The following IL1RAPL2 variants were observed in gnomAD, a reference collection of about 807,000 sequenced individuals.
IL1RAPL2 encodes X-linked interleukin-1 receptor accessory protein-like 2.
Under a neutral mutation model 44.1 loss-of-function variants are expected in IL1RAPL2, and 3 were observed. The ratio of observed to expected loss-of-function variants is 0.07; its 90% CI spans 0.03 to 0.18. The LOEUF (loss-of-function observed/expected upper bound fraction) is 0.18. IL1RAPL2 is among the 10% of genes least tolerant of loss of function. The pLI, the probability that IL1RAPL2 is intolerant of heterozygous loss-of-function variation, is 1.00. For missense variants in IL1RAPL2, 391 were observed against 496.4 expected (o/e 0.79, Z 2.02); for synonymous variants, 181 against 178.8 (o/e 1.01, Z -0.10).
chrX:105,505,287 A>C (rs1054085457), intron 6 of IL1RAPL2, among the ~76,000 whole-genome samples: 4 of 112,147 alleles, frequency 3.6e-5, no homozygotes, highest in African/African-American at 1.3e-4. Flanking sequence ...AATTTAAGAC[A>C]GACATGGTTT....
At chrX:105,283,073 T>A (rs1395187113) in intron 5 of IL1RAPL2, among the ~76,000 whole-genome samples, 1 of 111,233 alleles carries the variant, frequency 9.0e-6, no homozygotes, top group African/African-American at 3.3e-5. Flanking sequence ...TGAAAAAATA[T>A]CTAATGAAGT....
At chrX:104,612,704 T>A (rs1386152624) in intron 1 of IL1RAPL2, among the ~76,000 whole-genome samples, 1 of 111,738 alleles carries the variant, frequency 8.9e-6, no homozygotes, top group African/African-American at 3.3e-5. Flanking sequence ...TTTTTTCTAG[T>A]TCTGTGAAAA....
intron 6 of IL1RAPL2, among the ~76,000 whole-genome samples, chrX:105,496,413 T>C (rs2036356882): frequency 1.8e-5 from 2 of 112,298 alleles, no homozygotes. Flanking sequence ...AGCTCAATTA[T>C]GGGAAAATGA....
intron 2 of IL1RAPL2, among the ~76,000 whole-genome samples, chrX:105,036,963 T>G (rs1187457716): frequency 8.9e-6 from 1 of 112,025 alleles, no homozygotes; most frequent in Non-Finnish European, 1.9e-5. Context: ...GGAGAAACTC[T>G]ATCTTAGCTG....
intron 2 of IL1RAPL2, among the ~76,000 whole-genome samples, chrX:104,760,471 C>T (rs750921912): frequency 4.5e-5 from 5 of 111,925 alleles, no homozygotes; most frequent in Admixed American, 9.5e-5. Flanking sequence ...GGGTATAAGC[C>T]ATTTTAACTG....
chrX:105,576,995 T>G (rs1170265556), intron 6 of IL1RAPL2, among the ~76,000 whole-genome samples: 1 of 111,407 alleles, frequency 9.0e-6, no homozygotes, highest in African/African-American at 3.3e-5. Context: ...CTCTATTTTA[T>G]CATTGATATT....
At chrX:105,618,125 A>T (rs1362941045) in intron 6 of IL1RAPL2, among the ~76,000 whole-genome samples, 2 of 107,925 alleles carry the variant, frequency 1.9e-5, no homozygotes, top group Non-Finnish European at 3.8e-5. Flanking sequence ...TCTCACTCAC[A>T]CACACACACA....
At chrX:104,751,811 C>T (rs1932264220) in intron 2 of IL1RAPL2, among the ~76,000 whole-genome samples, 1 of 111,097 alleles carries the variant, frequency 9.0e-6, no homozygotes, top group Non-Finnish European at 1.9e-5. Context: ...TGTGAACTGA[C>T]CCCAGGAGTT....
chrX:105,268,227 C>T (rs929374967), intron 5 of IL1RAPL2, among the ~76,000 whole-genome samples: 1 of 111,155 alleles, frequency 9.0e-6, no homozygotes, highest in Non-Finnish European at 1.9e-5. Context: ...ACAAAAAAAT[C>T]TACTTACTAT....
intron 5 of IL1RAPL2, among the ~76,000 whole-genome samples, chrX:105,377,370 CTG>C (rs750610467): frequency 3.7e-3 from 365 of 98,508 alleles, no homozygotes; most frequent in Middle Eastern, 0.021. Flanking sequence ...GTGTGTGTGT[CTG>C]TGTGTGTGTG....
chrX:105,413,720 C>G (rs1413377396), intron 5 of IL1RAPL2, among the ~76,000 whole-genome samples: 3 of 112,284 alleles, frequency 2.7e-5, no homozygotes, highest in African/African-American at 9.7e-5. Flanking sequence ...CAAATACACT[C>G]ACTTCCACTT....
chrX:104,879,365 T>TAAAAAAAAAAAAAAAAAAAAAAAAAAAA (rs753494292), intron 2 of IL1RAPL2, among the ~76,000 whole-genome samples: 6 of 31,031 alleles, frequency 1.9e-4, no homozygotes, highest in African/African-American at 9.3e-4. Flanking sequence ...GCAAAACTAG[T>TAAAAAAAAAAAAAAAAAAAAAAAAAAAA]AAAAAAAAAA....
At chrX:105,254,503 T>C (rs2034299026) in intron 4 of IL1RAPL2, among the ~76,000 whole-genome samples, 1 of 112,128 alleles carries the variant, frequency 8.9e-6, no homozygotes, top group Non-Finnish European at 1.9e-5. Context: ...TTCTGTAGAT[T>C]GCCTGTTTAT....
At chrX:105,483,767 T>A (rs1228361311) in intron 5 of IL1RAPL2, among the ~76,000 whole-genome samples, 2 of 111,786 alleles carry the variant, frequency 1.8e-5, no homozygotes, top group African/African-American at 6.5e-5. Flanking sequence ...TTTCTTTCCC[T>A]TTAGTAGCTA....
At chrX:104,983,439 A>ATATTATACATAATATTATATAATATAT (rs200666851) in intron 2 of IL1RAPL2, among the ~76,000 whole-genome samples, 1 of 96,498 alleles carries the variant, frequency 1.0e-5, no homozygotes, top group Non-Finnish European at 2.0e-5. Context: ...AATATATAAT[A>ATATTATACATAATATTATATAATATAT]GATACATAAT....
chrX:105,070,577 C>T (rs143331633), intron 2 of IL1RAPL2, among the ~76,000 whole-genome samples: 2,138 of 109,838 alleles, frequency 0.019, 52 homozygotes, highest in African/African-American at 0.067. Context: ...GCCTGTAATC[C>T]CAGCTACTCG....
At chrX:105,051,376 G>A (rs888921786) in intron 2 of IL1RAPL2, among the ~76,000 whole-genome samples, 8 of 112,948 alleles carry the variant, frequency 7.1e-5, no homozygotes, top group Admixed American at 1.8e-4. Flanking sequence ...CACCCAGGGA[G>A]CTTCTGCTCA....
intron 5 of IL1RAPL2, among the ~76,000 whole-genome samples, chrX:105,387,316 C>T (rs1246060348): frequency 9.4e-6 from 1 of 106,785 alleles, no homozygotes; most frequent in Middle Eastern, 5.0e-3. Context: ...CTCACTGCAA[C>T]CTCCACCTCC....
chrX:105,644,747 T>G (rs901223165), intron 6 of IL1RAPL2, among the ~76,000 whole-genome samples: 1 of 110,966 alleles, frequency 9.0e-6, no homozygotes, highest in Non-Finnish European at 1.9e-5. Flanking sequence ...CCTAATGCTA[T>G]CCCTTCCCCA....
Sources: gnomAD v4.1 joint callset for allele counts (sites outside exome capture counted in the v4.1 genomes callset) on GRCh38, gnomAD v4.1.1 for gene constraint, MANE v1.5 for transcripts, NCBI Gene and HGNC (gene_info 2026-07-23, HGNC 2026-07-21) for gene names.